The following TGFBR2 variants were observed in gnomAD, a reference collection of about 807,000 sequenced individuals.
The protein encoded by TGFBR2 is transforming growth factor beta receptor 2, also known as TGF-beta receptor type-2.
In TGFBR2, 18 loss-of-function variants were observed where a neutral mutation model predicts 49.0. The ratio of observed to expected loss-of-function variants is 0.37; its 90% CI spans 0.25 to 0.54. The LOEUF (loss-of-function observed/expected upper bound fraction) is 0.54, where lower values mean the gene tolerates loss of function less well. Ranked by LOEUF, TGFBR2 falls within the 20% of genes least tolerant of loss-of-function variation. The pLI is 0.85. For synonymous variants in TGFBR2, 282 were observed against 275.9 expected (o/e 1.02, Z -0.22); for missense variants, 525 against 722.6 (o/e 0.73, Z 3.13).
chr3:30,669,949 C>T (rs899726256), intron 3 of TGFBR2, among the ~76,000 whole-genome samples: 9 of 152,132 alleles, frequency 5.9e-5, no homozygotes, highest in African/African-American at 2.2e-4. Context: ...TGGTTATATC[C>T]TCATTCTACC....
intron 6 of TGFBR2, among the ~76,000 whole-genome samples, chr3:30,691,095 A>C (rs1248515423): frequency 6.6e-6 from 1 of 152,148 alleles, no homozygotes; most frequent in Non-Finnish European, 1.5e-5. Flanking sequence ...TACATGGGGA[A>C]TTTTCAGGTG....
chr3:30,614,894 A>G (rs932983662), intron 1 of TGFBR2, among the ~76,000 whole-genome samples: 1 of 152,196 alleles, frequency 6.6e-6, no homozygotes, highest in Admixed American at 6.5e-5. Context: ...CCATTATAGC[A>G]TGGGTGTTGG....
chr3:30,678,599 A>G lies in TGFBR2; in HGVS notation c.1396+4353A>G, dbSNP rs56849341. Among the ~76,000 whole-genome samples, 765 of 151,760 alleles carry G rather than the reference A, an allele frequency of 5.0e-3. 11 individuals carry two copies. The highest frequency in any genetic ancestry group is 0.017 in the African/African-American group (709 of 41,350). On this transcript the variant is annotated intron_variant, in intron 5 of 6. Coordinates refer to ENST00000295754, the MANE Select transcript of TGFBR2 (RefSeq NM_003242.6). ...ATGGTCCACCTCAACTGTGTGCAGA[A>G]GGATGATGGGATGCAAGTCTCCAGT...
intron 2 of TGFBR2, among the ~76,000 whole-genome samples, chr3:30,649,114 C>T (rs1049147148): frequency 6.6e-6 from 1 of 152,146 alleles, no homozygotes; most frequent in Non-Finnish European, 1.5e-5. Flanking sequence ...TCAGAATCTT[C>T]ATAGAAGATT....
intron 3 of TGFBR2, among the ~76,000 whole-genome samples, chr3:30,656,392 G>A (rs1698999447): frequency 6.6e-6 from 1 of 152,124 alleles, no homozygotes; most frequent in African/African-American, 2.4e-5. Context: ...TTTATCTGTG[G>A]GACTATCCCT....
intron 3 of TGFBR2, among the ~76,000 whole-genome samples, chr3:30,656,960 T>G (rs904945601): frequency 6.6e-6 from 1 of 152,338 alleles, no homozygotes; most frequent in East Asian, 1.9e-4. Context: ...CTGTGCTAAC[T>G]ACTTTCAGGT....
At chr3:30,635,549 G>C (rs1399027711) in intron 1 of TGFBR2, among the ~76,000 whole-genome samples, 1 of 152,154 alleles carries the variant, frequency 6.6e-6, no homozygotes, top group Non-Finnish European at 1.5e-5. Context: ...TGTCACTGGA[G>C]AAAGCCAATT....
chr3:30,691,635 C>G lies in TGFBR2; in HGVS notation c.*36C>G. On this transcript the variant is annotated 3_prime_UTR_variant, in exon 7 of 7. Transcript: ENST00000295754. Reference sequence around the variant, plus strand: ...GCAGGCTGGGCCATGTCCAAAGAGGCTGCCCCTCTCACCAAAGAACAGAGG... The same window carrying G: ...GCAGGCTGGGCCATGTCCAAAGAGGGTGCCCCTCTCACCAAAGAACAGAGG... 1 of 1,612,842 alleles carries G rather than the reference C, an allele frequency of 6.2e-7. No individual in the cohort carries two copies. Among genetic ancestry groups the G allele is most frequent in the South Asian group, 1.1e-5 (1 of 90,996 alleles).
chr3:30,627,752 CTTGAA>C, intron 1 of TGFBR2, among the ~76,000 whole-genome samples: 1 of 151,890 alleles, frequency 6.6e-6, no homozygotes, highest in East Asian at 2.0e-4. Flanking sequence ...ATACATGTGG[CTTGAA>C]ACGTAGCAGG....
Position 30,691,688 on chromosome 3 carries a change from C to A in TGFBR2, c.*89C>A, listed in dbSNP as rs1286155859. On this transcript the variant is annotated 3_prime_UTR_variant, in exon 7 of 7. Coordinates refer to ENST00000295754, the MANE Select transcript of TGFBR2 (RefSeq NM_003242.6). ...GCAGGAAGCTGCCCCTGAACTGATG[C>A]TTCCTGGAAAACCAAGGGGGTCACT... 6.5e-7 allele frequency: 1 copy of A among 1,529,508 alleles called. No homozygotes were observed. Among genetic ancestry groups the A allele is most frequent in the Non-Finnish European group, 9.0e-7 (1 of 1,106,184 alleles). 94.7% of individuals were successfully genotyped at this position (1,529,508 alleles called of 1,614,324 possible). A position where few individuals can be genotyped will look rare whatever the true frequency, so the allele number is the denominator to read the frequency against.
Position 30,650,284 on chromosome 3 carries a change from A to G in TGFBR2, c.278A>G (p.Glu93Gly), listed in dbSNP as rs1182342277. ...VCVAVWRKND[E>G]NITLETVCHD... ...CTTCACTCTAGGAGAAAGAATGACG[A>G]GAACATAACACTAGAGACAGTTTGC... is the stretch of plus-strand genomic sequence containing the variant. Residue 93 changes from glutamate (E) to glycine (G), a missense_variant, in exon 3 of 7, where the codon GAG (glutamate) becomes GGG (glycine). Around this residue, in one of 3 missense-constraint regions of TGFBR2, gnomAD observed 376 missense variants for 478.2 expected, o/e 0.79. Coordinates refer to ENST00000295754, the MANE Select transcript of TGFBR2 (RefSeq NM_003242.6). 2 of 1,614,046 alleles carry G rather than the reference A, an allele frequency of 1.2e-6. No individual in the cohort carries two copies. The highest frequency in any genetic ancestry group is 8.5e-7 in the Non-Finnish European group (1 of 1,179,958).
At chr3:30,689,464 G>C (rs1300734430) in intron 6 of TGFBR2, among the ~76,000 whole-genome samples, 1 of 152,160 alleles carries the variant, frequency 6.6e-6, no homozygotes, top group Non-Finnish European at 1.5e-5. Context: ...TAAGTTGTTG[G>C]TTTCCCTAAG....
At chr3:30,644,360 T>C (rs966477656) in intron 1 of TGFBR2, among the ~76,000 whole-genome samples, 1 of 152,336 alleles carries the variant, frequency 6.6e-6, no homozygotes, top group South Asian at 2.1e-4. Flanking sequence ...CTGTTTCCTG[T>C]CTTATTCACC....
intron 1 of TGFBR2, among the ~76,000 whole-genome samples, chr3:30,638,391 A>G (rs72849366): frequency 0.022 from 3,287 of 152,312 alleles, 126 homozygotes; most frequent in African/African-American, 0.076. Flanking sequence ...TGATGCCTTC[A>G]GGTCACTTGT....
intron 1 of TGFBR2, among the ~76,000 whole-genome samples, chr3:30,622,995 C>T (rs551099041): frequency 8.8e-4 from 133 of 150,392 alleles, no homozygotes; most frequent in African/African-American, 3.1e-3. Context: ...ATGATTGAGA[C>T]ATATGGGTGA....
chr3:30,607,002 G>C (rs896027491), intron 1 of TGFBR2, 25 bp downstream of exon 1: 3 of 1,557,712 alleles, frequency 1.9e-6, no homozygotes, highest in African/African-American at 2.7e-5. Flanking sequence ...GCCCGGGCTC[G>C]GCGGGGCGCC....
chr3:30,607,590 T>C (rs913709162), intron 1 of TGFBR2, among the ~76,000 whole-genome samples: 1 of 151,974 alleles, frequency 6.6e-6, no homozygotes, highest in African/African-American at 2.4e-5. Context: ...GGAGTGGAGA[T>C]GCTCAGGTGA....
chr3:30,669,164 A>T (rs1285392345), intron 3 of TGFBR2, among the ~76,000 whole-genome samples: 1 of 143,604 alleles, frequency 7.0e-6, no homozygotes. Flanking sequence ...CTGGGCATAG[A>T]GGCTAAGGCA....
At chr3:30,659,349 A>T (rs1397821338) in intron 3 of TGFBR2, among the ~76,000 whole-genome samples, 1 of 152,172 alleles carries the variant, frequency 6.6e-6, no homozygotes, top group East Asian at 1.9e-4. Flanking sequence ...GATGACTCAG[A>T]GCTGAAGCAG....
Sources: allele counts gnomAD v4.1 joint callset (sites outside exome capture counted in the v4.1 genomes callset), GRCh38; gene constraint gnomAD v4.1.1; regional missense constraint gnomAD v4.1.1; transcripts MANE v1.5; gene names NCBI Gene and HGNC (gene_info 2026-07-23, HGNC 2026-07-21).